ARHGAP21: variants seen among roughly 807,000 people sequenced by gnomAD.
The protein encoded by ARHGAP21 is Rho GTPase activating protein 21, also known as rho GTPase-activating protein 21.
Under a neutral mutation model 164.6 loss-of-function variants are expected in ARHGAP21, and 38 were observed. The observed-to-expected ratio is 0.23, with a 90% confidence interval of 0.18 to 0.30. The LOEUF (loss-of-function observed/expected upper bound fraction) is 0.30, where lower values mean the gene tolerates loss of function less well. Ranked by LOEUF, ARHGAP21 falls within the 10% of genes least tolerant of loss-of-function variation. The pLI is 1.00. For missense variants in ARHGAP21, 1,822 were observed against 2,370.7 expected, an observed-to-expected ratio of 0.77 and a Z score of 4.81; for synonymous variants, 766 against 857.9, an observed-to-expected ratio of 0.89 and a Z score of 1.87.
chr10:24,602,734 T>C (rs142060875), intron 12 of ARHGAP21, among the ~76,000 whole-genome samples: 26 of 152,300 alleles, frequency 1.7e-4, no homozygotes, highest in African/African-American at 6.0e-4. Context: ...CTGAGTACTC[T>C]GTCAAGAGTG....
At chr10:24,592,414 A>G (rs1592936058) in intron 21 of ARHGAP21, among the ~76,000 whole-genome samples, 1 of 152,314 alleles carries the variant, frequency 6.6e-6, no homozygotes, top group Non-Finnish European at 1.5e-5. Context: ...CATAATTAGC[A>G]TTCATTTTTT....
chr10:24,664,952 T>C (rs1358825214), intron 4 of ARHGAP21, among the ~76,000 whole-genome samples: 1 of 152,206 alleles, frequency 6.6e-6, no homozygotes, highest in Non-Finnish European at 1.5e-5. Context: ...CATAATGATC[T>C]GCATGAAGTT....
intron 2 of ARHGAP21, among the ~76,000 whole-genome samples, chr10:24,673,425 G>A (rs144365685): frequency 1.1e-4 from 17 of 152,276 alleles, no homozygotes; most frequent in Middle Eastern, 3.4e-3. Context: ...AAAGAAACAT[G>A]AACCCATGTC....
At position 24,619,549 on chromosome 10, in the gene ARHGAP21, G is replaced by A. The variant is rs1362440171; in HGVS notation, c.2346C>T (p.His782=). ...CTTTTCTTTCCTCCATTCTTTTTAT[G>A]TGGACCTCTCGACGTGCATCATTGG... ...WLPNDARREV[H]IKRMEERKAS... is the part of the protein sequence containing the mutation. The change falls in exon 9 of 26, where the codon CAC becomes CAT. Residue 782 remains histidine (H), a synonymous_variant. Transcript: ENST00000396432. 1.1e-5 allele frequency: 17 copies of A among 1,614,020 alleles called. No homozygotes were observed. The highest frequency in any genetic ancestry group is 1.3e-5 in the Non-Finnish European group (15 of 1,180,036).
intron 4 of ARHGAP21, among the ~76,000 whole-genome samples, chr10:24,654,379 T>A (rs1838564491): frequency 6.6e-6 from 1 of 152,150 alleles, no homozygotes; most frequent in South Asian, 2.1e-4. Context: ...TAGAAAACCC[T>A]ATCGCCTCAG....
chr10:24,669,815 G>A (rs1460116928), intron 3 of ARHGAP21, among the ~76,000 whole-genome samples: 2 of 152,152 alleles, frequency 1.3e-5, no homozygotes, highest in Non-Finnish European at 2.9e-5. Context: ...ATATCTGAAA[G>A]TTAAGTATTG....
At chr10:24,654,031 G>A (rs182400807) in intron 4 of ARHGAP21, among the ~76,000 whole-genome samples, 18 of 152,208 alleles carry the variant, frequency 1.2e-4, no homozygotes, top group Non-Finnish European at 1.3e-4. Context: ...CAAAAACCAC[G>A]ATTATCTCAA....
intron 4 of ARHGAP21, among the ~76,000 whole-genome samples, chr10:24,642,514 C>CAATA (rs1837172578): frequency 2.1e-5 from 1 of 47,904 alleles, no homozygotes; most frequent in Admixed American, 2.1e-4. Context: ...GACTCCGTCT[C>CAATA]AAAAAAAAAA....
rs200183537 is a variant in ARHGAP21 at position 24,648,119 on chromosome 10, G to GT, written c.269-13017dup. 9.9e-4 allele frequency among the ~76,000 whole-genome samples: 150 copies of GT among 152,270 alleles called. No individual in the cohort carries two copies. In the East Asian group the frequency reaches 0.026, roughly 26 times the overall value. On this transcript the variant is annotated intron_variant, in intron 4 of 25. Transcript: ENST00000396432. ...CTCCCATAGTGCTGGGATTACAGGCGTGAGCCACTGTGCCTAGCCTGCATA... is the reference window on the plus strand; with the variant it reads ...CTCCCATAGTGCTGGGATTACAGGCGTTGAGCCACTGTGCCTAGCCTGCATA...
At chr10:24,591,032 T>C (rs2076306492) in intron 24 of ARHGAP21, 193 bp downstream of exon 24, 1 of 613,878 alleles carries the variant, frequency 1.6e-6, no homozygotes, top group Non-Finnish European at 2.0e-6. Context: ...CTGCATGCAC[T>C]GCCAATGGCA....
intron 6 of ARHGAP21, 47 bp from the exon 7 acceptor site, chr10:24,630,097 A>T (rs1392223104): frequency 9.3e-7 from 1 of 1,070,780 alleles, no homozygotes; most frequent in Non-Finnish European, 1.3e-6. Flanking sequence ...AAGTGTATAA[A>T]AAAAGACTTA....
Position 24,620,917 on chromosome 10 carries a change from G to A in ARHGAP21, c.978C>T (p.Thr326=). ...CTGCAGGCTGATGAATTAGATGAGT[G>A]GTGGGAATTGATAATGGTGGTGATG... The part of the protein sequence containing the change: ...RTTSPPLSIP[T]THLIHQPAGS... Residue 326 remains threonine, a synonymous_variant, in exon 9 of 26, where the codon ACC becomes ACT. Transcript: ENST00000396432. 1 of 1,613,868 alleles carries A rather than the reference G, an allele frequency of 6.2e-7. No individual in the cohort carries two copies. Among genetic ancestry groups the A allele is most frequent in the Non-Finnish European group, 8.5e-7 (1 of 1,179,852 alleles).
At chr10:24,710,847 G>A (rs1169045852) in intron 2 of ARHGAP21, among the ~76,000 whole-genome samples, 1 of 152,100 alleles carries the variant, frequency 6.6e-6, no homozygotes, top group Non-Finnish European at 1.5e-5. Flanking sequence ...TTTAATCCCA[G>A]CACTTTGGGA....
intron 2 of ARHGAP21, among the ~76,000 whole-genome samples, chr10:24,689,421 A>G (rs1013492285): frequency 2.6e-5 from 4 of 152,158 alleles, no homozygotes; most frequent in Admixed American, 2.6e-4. Flanking sequence ...AGACATATAC[A>G]TATTCTTCCA....
In ARHGAP21 at chr10:24,681,872, T is replaced by G. The variant is rs529067075; in HGVS notation, c.64-11475A>C. Among the ~76,000 whole-genome samples the G allele has an allele frequency of 6.6e-5, 10 of 152,266 alleles. No homozygotes were observed. The East Asian group carries it at 1.5e-3, about 23-fold the overall frequency. ...CCGTCACCTGGCTCGTTTTTTCTTT[T>G]GTAACACTGGAAGATGGCATGCTTG... On this transcript the variant is annotated intron_variant, in intron 2 of 25. Transcript: ENST00000396432.
At chr10:24,612,488 C>T (rs575143204) in intron 9 of ARHGAP21, among the ~76,000 whole-genome samples, 18 of 152,220 alleles carry the variant, frequency 1.2e-4, no homozygotes, top group Admixed American at 5.2e-4. Flanking sequence ...AAGCAAAATA[C>T]GCTTAAAATC....
At chr10:24,593,589 T>TGGAAAGA (rs2076434572) in intron 21 of ARHGAP21, among the ~76,000 whole-genome samples, 1 of 58,120 alleles carries the variant, frequency 1.7e-5, no homozygotes, top group Non-Finnish European at 4.6e-5. Flanking sequence ...TGTATTTTTC[T>TGGAAAGA]TGAAAGATAT....
chr10:24,595,182 C>G lies in ARHGAP21; in HGVS notation c.3721G>C (p.Ala1241Pro), dbSNP rs773838375. Residue 1241 changes from alanine to proline, a missense_variant, in exon 20 of 26, where the codon GCT (alanine) becomes CCT (proline). By Grantham distance (27) the Ala-to-Pro change is conservative. Coordinates refer to ENST00000396432, the MANE Select transcript of ARHGAP21 (RefSeq NM_020824.4). ...PEPLFTNDKY[A>P]DFIEANRKED... ...TTACGATTGGCTTCAATAAAATCAG[C>G]ATATTTATCTGACGACAAGAACAAT... 1 of 1,609,654 alleles carries G rather than the reference C, an allele frequency of 6.2e-7. No individual in the cohort carries two copies. The highest frequency in any genetic ancestry group is 8.5e-7 in the Non-Finnish European group (1 of 1,178,292).
rs919021420 is a variant in ARHGAP21 at position 24,639,146 on chromosome 10, G to T, written c.269-4043C>A. Among the ~76,000 whole-genome samples the T allele has an allele frequency of 3.9e-5, 6 of 152,094 alleles. No individual in the cohort carries two copies. The South Asian group carries it at 1.2e-3, about 31-fold the overall frequency. ...TTGGGCCCTATAACCATATTACATG[G>T]TTTAAAATCCCACCTCTGTCATTCA... On this transcript the variant is annotated intron_variant, in intron 4 of 25. Transcript: ENST00000396432.
Sources: allele counts gnomAD v4.1 joint callset (sites outside exome capture counted in the v4.1 genomes callset), GRCh38; gene constraint gnomAD v4.1.1; transcripts MANE v1.5; gene names NCBI Gene and HGNC (gene_info 2026-07-23, HGNC 2026-07-21).